Variants in PRUNE2 observed in about 807,000 individuals in gnomAD.
PRUNE2 encodes protein prune homolog 2.
PRUNE2 carries 164 observed loss-of-function variants against 252.0 expected under a neutral mutation model. The observed-to-expected ratio is 0.65, with a 90% CI of 0.57 to 0.74. PRUNE2 has a LOEUF of 0.74. Ranked by LOEUF, PRUNE2 falls within the 30% of genes least tolerant of loss-of-function variation. The pLI, the probability that PRUNE2 is intolerant of heterozygous loss-of-function variation, is 0.00. For synonymous variants in PRUNE2, 1,292 were observed against 1,350.2 expected (o/e 0.96, Z 0.94); for missense variants, 3,495 against 3,711.0 (o/e 0.94, Z 1.51).
Position 76,708,219 on chromosome 9 carries a change from G to A in PRUNE2, c.4055C>T (p.Ala1352Val). The change falls in exon 8 of 19, where the codon GCC becomes GTC. Residue 1352 changes from alanine to valine, a missense_variant. Ala to Val is a moderately conservative substitution (Grantham distance 64). Transcript: ENST00000376718. Reference protein sequence around the residue: ...EEVIASGVENASGISEKGQSD... With the variant: ...EEVIASGVENVSGISEKGQSD... ...CTGCCCTTTTTCAGAAATCCCTGAG[G>A]CATTCTCCACACCAGAGGCGATCAC... 6.2e-7 allele frequency: 1 copy of A among 1,613,900 alleles called. No individual in the cohort carries two copies. Among genetic ancestry groups the A allele is most frequent in the Admixed American group, 1.7e-5 (1 of 60,020 alleles).
chr9:76,885,884 A>G (rs2062059141), intron 1 of PRUNE2, among the ~76,000 whole-genome samples: 1 of 152,172 alleles, frequency 6.6e-6, no homozygotes, highest in Admixed American at 6.5e-5. Context: ...TAGGGTAAAG[A>G]ATCTATGCAA....
intron 3 of PRUNE2, among the ~76,000 whole-genome samples, chr9:76,848,178 C>G (rs991347238): frequency 6.6e-6 from 1 of 152,158 alleles, no homozygotes. Context: ...GCAAGAGAAT[C>G]GCCTGAACCT....
intron 15 of PRUNE2, 75 bp downstream of exon 15, chr9:76,636,396 T>A: frequency 1.2e-6 from 1 of 801,036 alleles, no homozygotes; most frequent in Non-Finnish European, 2.1e-6. Context: ...TATGAATTCT[T>A]GTTTTTAGGA....
intron 6 of PRUNE2, chr9:76,788,605 A>C: frequency 1.5e-6 from 1 of 683,014 alleles, no homozygotes; most frequent in Non-Finnish European, 2.7e-6. Flanking sequence ...AAGAGCACTT[A>C]AAGCAGTGCT....
At chr9:76,754,275 G>T (rs953995039) in intron 6 of PRUNE2, among the ~76,000 whole-genome samples, 2 of 152,114 alleles carry the variant, frequency 1.3e-5, no homozygotes, top group African/African-American at 4.8e-5. Context: ...GAGTGGGGGT[G>T]GGGTGGGGAA....
chr9:76,794,332 TCCGAG>T (rs778787828), intron 6 of PRUNE2, among the ~76,000 whole-genome samples: 2 of 152,126 alleles, frequency 1.3e-5, no homozygotes, highest in Middle Eastern at 3.2e-3. Context: ...GAGCGCGGCC[TCCGAG>T]CGAGCGCGGT....
chr9:76,648,457 T>C (rs1845847090), intron 11 of PRUNE2, among the ~76,000 whole-genome samples: 1 of 152,212 alleles, frequency 6.6e-6, no homozygotes, highest in Non-Finnish European at 1.5e-5. Flanking sequence ...ACCTGTGACT[T>C]GTCCAGACAA....
intron 6 of PRUNE2, among the ~76,000 whole-genome samples, chr9:76,783,330 T>C (rs1167749136): frequency 6.6e-6 from 1 of 151,950 alleles, no homozygotes; most frequent in Admixed American, 6.6e-5. Flanking sequence ...AGAGATGGGG[T>C]TTCACCATAT....
intron 4 of PRUNE2, among the ~76,000 whole-genome samples, chr9:76,841,624 G>A (rs185465296): frequency 1.5e-3 from 232 of 152,284 alleles, no homozygotes; most frequent in Middle Eastern, 3.4e-3. Flanking sequence ...GCTTGAGTCC[G>A]CCATTACTGA....
chr9:76,709,730 T>C lies in PRUNE2; in HGVS notation c.2544A>G (p.Leu848=), dbSNP rs1564116757. The change falls in exon 8 of 19, where the codon CTA becomes CTG. Residue 848 remains leucine, a synonymous_variant. Coordinates refer to ENST00000376718, the MANE Select transcript of PRUNE2 (RefSeq NM_015225.3). ...TTATCTCACTGGGTGAATTGTCCAG[T>C]AGTTCTGAAGAAGAAAAGGCAAACC... ...KSGFAFSSSE[L]LDNSPSEINN... The C allele has an allele frequency of 6.2e-7, 1 of 1,613,876 alleles. No individual in the cohort carries two copies. The highest frequency in any genetic ancestry group is 8.5e-7 in the Non-Finnish European group (1 of 1,179,902).
chr9:76,778,068 A>G (rs931835247), intron 6 of PRUNE2, among the ~76,000 whole-genome samples: 1 of 152,236 alleles, frequency 6.6e-6, no homozygotes, highest in Non-Finnish European at 1.5e-5. Flanking sequence ...CCTTGGCTGC[A>G]CATTAGATTT....
At chr9:76,812,833 G>T (rs921262541) in intron 6 of PRUNE2, among the ~76,000 whole-genome samples, 3 of 152,216 alleles carry the variant, frequency 2.0e-5, no homozygotes, top group African/African-American at 7.2e-5. Context: ...GAGCTGACGT[G>T]TAACTGTTGG....
chr9:76,679,703 C>G (rs146827067), intron 9 of PRUNE2, among the ~76,000 whole-genome samples: 1,924 of 152,122 alleles, frequency 0.013, 43 homozygotes, highest in African/African-American at 0.044. Context: ...ATAGAGAGTC[C>G]AGAAATAAAC....
chr9:76,774,460 T>TATTTATTTATTTA (rs1564272674), intron 6 of PRUNE2, among the ~76,000 whole-genome samples: 56 of 138,642 alleles, frequency 4.0e-4, no homozygotes, highest in South Asian at 7.0e-4. Context: ...CTTTTTTTTT[T>TATTTATTTATTTA]TTTTTTTTTT....
At position 76,709,954 on chromosome 9, in the gene PRUNE2, A is replaced by C; in HGVS notation, c.2320T>G (p.Ser774Ala). 6.2e-7 allele frequency: 1 copy of C among 1,613,636 alleles called. No homozygotes were observed. Among genetic ancestry groups the C allele is most frequent in the Non-Finnish European group, 8.5e-7 (1 of 1,179,776 alleles). The change falls in exon 8 of 19, where the codon TCT becomes GCT. Residue 774 changes from serine to alanine, a missense_variant. By Grantham distance (99) the Ser-to-Ala change is moderately conservative. Transcript: ENST00000376718. ...DFASLWHSGR[S>A]PTAMPEPWGN... ...CAGGGCTCGGGCATGGCTGTGGGAGAGCGACCAGAATGCCACAAAGAAGCA... is the reference window on the plus strand; with the variant it reads ...CAGGGCTCGGGCATGGCTGTGGGAGCGCGACCAGAATGCCACAAAGAAGCA...
rs374250830 is a variant in PRUNE2 at position 76,643,571 on chromosome 9, G to A, written c.8728+1168C>T. On this transcript the variant is annotated intron_variant, in intron 12 of 18. Transcript: ENST00000376718. ...GCCAACTCTCATTCTGAAGGGCTAC[G>A]GGCATGATTTCCCTTAGAGGAAACT... 4.0e-4 allele frequency among the ~76,000 whole-genome samples: 61 copies of A among 152,242 alleles called. 1 individual carries two copies. Among genetic ancestry groups the A allele is most frequent in the East Asian group, 1.5e-3 (8 of 5,166 alleles).
In PRUNE2 at chr9:76,705,125, A is replaced by G; in HGVS notation, c.7149T>C (p.Asp2383=). Residue 2383 remains aspartate (D), a synonymous_variant, in exon 8 of 19, where the codon GAT becomes GAC. Transcript: ENST00000376718. ...ACGGTGCCAGCGACTGCTTCAGAGA[A>G]TCTTCCTCCAAAGGAGGGTCACCAC... ...LYGGDPPLEE[D]SLKQSLAPYT... The G allele has an allele frequency of 6.2e-7, 1 of 1,613,988 alleles. No individual in the cohort carries two copies. Among genetic ancestry groups the G allele is most frequent in the Non-Finnish European group, 8.5e-7 (1 of 1,179,888 alleles).
intron 6 of PRUNE2, among the ~76,000 whole-genome samples, chr9:76,725,641 T>G (rs948550627): frequency 6.6e-6 from 1 of 152,198 alleles, no homozygotes; most frequent in Non-Finnish European, 1.5e-5. Context: ...ATTTGCTCAC[T>G]GATAAACTTT....
intron 9 of PRUNE2, among the ~76,000 whole-genome samples, chr9:76,660,265 T>C (rs564444110): frequency 6.6e-6 from 1 of 152,216 alleles, no homozygotes; most frequent in South Asian, 2.1e-4. Context: ...CTCTGGACCT[T>C]CAGGAACTTT....
Sources: gnomAD v4.1 joint callset for allele counts (sites outside exome capture counted in the v4.1 genomes callset) on GRCh38, gnomAD v4.1.1 for gene constraint, MANE v1.5 for transcripts, NCBI Gene and HGNC (gene_info 2026-07-23, HGNC 2026-07-21) for gene names.